The following PPARGC1A variants were observed in gnomAD, a reference collection of about 807,000 sequenced individuals.
PPARGC1A encodes the protein PPARG coactivator 1 alpha, also known as peroxisome proliferator-activated receptor gamma coactivator 1-alpha.
PPARGC1A carries 25 observed loss-of-function variants against 88.7 expected under a neutral mutation model. The observed-to-expected ratio is 0.28, with a 90% CI of 0.21 to 0.39. PPARGC1A has a LOEUF of 0.39. Among genes scored for constraint, PPARGC1A ranks in the 10% least tolerant of loss-of-function variants. The pLI, the probability that PPARGC1A is intolerant of heterozygous loss-of-function variation, is 1.00. For synonymous variants in PPARGC1A, 363 were observed against 355.6 expected (o/e 1.02, Z -0.24); for missense variants, 880 against 968.7 (o/e 0.91, Z 1.22).
chr4:24,296,954 G>T, the PPARGC1A span, among the ~76,000 whole-genome samples: 4 of 151,932 alleles, frequency 2.6e-5, no homozygotes, highest in African/African-American at 9.7e-5. Context: ...GCAAATGGAC[G>T]ATGTGCAGAG....
chr4:23,912,819 C>T, the PPARGC1A span, among the ~76,000 whole-genome samples: 1 of 150,508 alleles, frequency 6.6e-6, no homozygotes, highest in Non-Finnish European at 1.5e-5. Context: ...GACGGAGTCT[C>T]ACTCTGTCGC....
the PPARGC1A span, among the ~76,000 whole-genome samples, chr4:24,323,464 C>T: frequency 6.6e-6 from 1 of 152,212 alleles, no homozygotes; most frequent in Non-Finnish European, 1.5e-5. Context: ...TGATTAACCC[C>T]ATGAGTTTCC....
the PPARGC1A span, among the ~76,000 whole-genome samples, chr4:24,059,073 T>C: frequency 8.5e-5 from 13 of 152,092 alleles, no homozygotes. Context: ...ATGAAACCCA[T>C]CAAAAGATCC....
chr4:23,919,712 A>G, the PPARGC1A span, among the ~76,000 whole-genome samples: 1 of 151,950 alleles, frequency 6.6e-6, no homozygotes, highest in African/African-American at 2.4e-5. Flanking sequence ...GATTTGAGTG[A>G]TGGCCCTTAC....
the PPARGC1A span, among the ~76,000 whole-genome samples, chr4:24,200,898 GT>G: frequency 6.6e-6 from 1 of 152,006 alleles, no homozygotes; most frequent in East Asian, 1.9e-4. Flanking sequence ...TGTTTTCTAT[GT>G]TTCTTATTAA....
chr4:24,057,597 C>T, the PPARGC1A span, among the ~76,000 whole-genome samples: 24 of 152,276 alleles, frequency 1.6e-4, no homozygotes, highest in East Asian at 3.9e-4. Context: ...TTGGCATAGA[C>T]GGCAGGGAAA....
At chr4:24,097,470 T>C in the PPARGC1A span, among the ~76,000 whole-genome samples, 1 of 152,178 alleles carries the variant, frequency 6.6e-6, no homozygotes, top group African/African-American at 2.4e-5. Flanking sequence ...TCAATGAAAT[T>C]TTCCTAGACA....
At chr4:24,285,218 T>C in the PPARGC1A span, among the ~76,000 whole-genome samples, 3 of 152,204 alleles carry the variant, frequency 2.0e-5, no homozygotes, top group African/African-American at 7.2e-5. Context: ...GCTGATGTCT[T>C]ACTAGTCATG....
At chr4:24,155,923 G>T in the PPARGC1A span, among the ~76,000 whole-genome samples, 1 of 152,106 alleles carries the variant, frequency 6.6e-6, no homozygotes, top group Admixed American at 6.5e-5. Context: ...TATAATTGGG[G>T]GTGGGTCCAT....
the PPARGC1A span, among the ~76,000 whole-genome samples, chr4:23,985,524 C>G: frequency 2.7e-5 from 4 of 149,594 alleles, no homozygotes. Flanking sequence ...TGATTCTCAG[C>G]TTCTTTTTAG....
the PPARGC1A span, among the ~76,000 whole-genome samples, chr4:24,239,699 GA>G: frequency 4.7e-5 from 7 of 150,534 alleles, no homozygotes; most frequent in African/African-American, 1.2e-4. Context: ...GTTTTGGGTA[GA>G]AAAAAAAAGT....
At chr4:23,949,392 G>A in the PPARGC1A span, among the ~76,000 whole-genome samples, 28 of 152,256 alleles carry the variant, frequency 1.8e-4, 1 homozygote, top group South Asian at 3.9e-3. Context: ...ACTAAATTAC[G>A]TACAGGTAGC....
chr4:24,153,431 T>G, the PPARGC1A span, among the ~76,000 whole-genome samples: 4 of 152,080 alleles, frequency 2.6e-5, no homozygotes, highest in Non-Finnish European at 5.9e-5. Flanking sequence ...AATTAAATAG[T>G]GTAGATTGGT....
At chr4:23,873,033 A>T (rs1216373005) in intron 2 of PPARGC1A, among the ~76,000 whole-genome samples, 1 of 151,642 alleles carries the variant, frequency 6.6e-6, no homozygotes, top group Non-Finnish European at 1.5e-5. Flanking sequence ...TACTAAAAAT[A>T]CAAAAAAAAA....
chr4:24,297,939 A>G, the PPARGC1A span, among the ~76,000 whole-genome samples: 1 of 152,330 alleles, frequency 6.6e-6, no homozygotes, highest in South Asian at 2.1e-4. Context: ...CAAAGAGAAA[A>G]TAAGAGGACA....
chr4:24,370,201 G>A, the PPARGC1A span, among the ~76,000 whole-genome samples: 1 of 151,660 alleles, frequency 6.6e-6, no homozygotes, highest in Non-Finnish European at 1.5e-5. Context: ...CATTTAAAAT[G>A]GTAACAAAAT....
At chr4:24,288,263 A>G in the PPARGC1A span, among the ~76,000 whole-genome samples, 2 of 152,190 alleles carry the variant, frequency 1.3e-5, no homozygotes, top group South Asian at 4.2e-4. Context: ...GCTTCTTTCT[A>G]CCTTATTATG....
chr4:24,357,059 T>C, the PPARGC1A span, among the ~76,000 whole-genome samples: 2 of 152,178 alleles, frequency 1.3e-5, no homozygotes. Flanking sequence ...CTTCTTCTCT[T>C]GTATGGGACT....
the PPARGC1A span, among the ~76,000 whole-genome samples, chr4:23,914,628 CAA>C: frequency 6.6e-6 from 1 of 152,106 alleles, no homozygotes; most frequent in Admixed American, 6.5e-5. Context: ...GGAAAATAAC[CAA>C]AGAGAAATAT....
Sources: allele counts gnomAD v4.1 joint callset (sites outside exome capture counted in the v4.1 genomes callset), GRCh38; gene constraint gnomAD v4.1.1; transcripts MANE v1.5; gene names NCBI Gene and HGNC (gene_info 2026-07-23, HGNC 2026-07-21).